SCHIP1: variants seen among roughly 807,000 people sequenced by gnomAD.
SCHIP1 encodes the protein schwannomin-interacting protein 1.
Under a neutral mutation model 29.7 loss-of-function variants are expected in SCHIP1, and 8 were observed. The ratio of observed to expected loss-of-function variants is 0.27; its 90% CI spans 0.16 to 0.49. The LOEUF (loss-of-function observed/expected upper bound fraction) is 0.49. SCHIP1 is among the 20% of genes least tolerant of loss of function. The pLI, the probability that SCHIP1 is intolerant of heterozygous loss-of-function variation, is 0.99. For missense variants in SCHIP1, 193 were observed against 294.6 expected (o/e 0.66, Z 2.52); for synonymous variants, 76 against 94.9 (o/e 0.80, Z 1.16).
At chr3:159,808,086 A>G in the SCHIP1 span, among the ~76,000 whole-genome samples, 1 of 152,238 alleles carries the variant, frequency 6.6e-6, no homozygotes. Flanking sequence ...AGTGTTTCTC[A>G]ACAGAGTAAG....
intron 2 of SCHIP1, among the ~76,000 whole-genome samples, chr3:159,870,354 A>G (rs974261165): frequency 4.6e-5 from 7 of 151,930 alleles, no homozygotes; most frequent in Non-Finnish European, 1.0e-4. Context: ...TGTTAATTTT[A>G]TGTTTCCTTT....
the SCHIP1 span, among the ~76,000 whole-genome samples, chr3:159,782,886 A>G: frequency 1.8e-4 from 27 of 152,332 alleles, no homozygotes; most frequent in African/African-American, 6.0e-4. Flanking sequence ...TGCCACCTCA[A>G]CACACCCAGA....
At chr3:159,661,042 C>T in the SCHIP1 span, among the ~76,000 whole-genome samples, 1 of 152,154 alleles carries the variant, frequency 6.6e-6, no homozygotes, top group African/African-American at 2.4e-5. Flanking sequence ...TCACTGAGGT[C>T]TCAGCCCAGT....
chr3:159,612,159 G>T, the SCHIP1 span, among the ~76,000 whole-genome samples: 1 of 151,986 alleles, frequency 6.6e-6, no homozygotes, highest in East Asian at 1.9e-4. Flanking sequence ...ACTGTACTTT[G>T]CAGAAATAAT....
chr3:159,680,925 T>A, the SCHIP1 span, among the ~76,000 whole-genome samples: 737 of 151,196 alleles, frequency 4.9e-3, 8 homozygotes, highest in African/African-American at 0.017. Flanking sequence ...TCAATATGAC[T>A]GAAAATCCTA....
the SCHIP1 span, among the ~76,000 whole-genome samples, chr3:159,333,776 C>T: frequency 6.6e-6 from 1 of 151,672 alleles, no homozygotes; most frequent in South Asian, 2.1e-4. Flanking sequence ...CCAGCTCTGT[C>T]GGTGGAAAAA....
chr3:159,650,808 G>A, the SCHIP1 span, among the ~76,000 whole-genome samples: 41 of 152,260 alleles, frequency 2.7e-4, no homozygotes, highest in African/African-American at 9.6e-4. Flanking sequence ...ACTGGAACGA[G>A]GTCAATGATA....
the SCHIP1 span, among the ~76,000 whole-genome samples, chr3:159,678,872 A>C: frequency 2.0e-5 from 3 of 152,198 alleles, no homozygotes; most frequent in South Asian, 2.1e-4. Flanking sequence ...AAACCATTAG[A>C]TCTCGTGAGA....
At chr3:159,741,753 G>A in the SCHIP1 span, among the ~76,000 whole-genome samples, 1 of 152,220 alleles carries the variant, frequency 6.6e-6, no homozygotes, top group Non-Finnish European at 1.5e-5. Context: ...GAACAAGGGT[G>A]GAAACCCAGA....
chr3:159,530,601 T>A, the SCHIP1 span, among the ~76,000 whole-genome samples: 4 of 152,174 alleles, frequency 2.6e-5, no homozygotes, highest in African/African-American at 9.6e-5. Flanking sequence ...CTGAGCAGAT[T>A]TGCTCTTGGA....
At chr3:159,655,873 A>G in the SCHIP1 span, among the ~76,000 whole-genome samples, 48 of 152,320 alleles carry the variant, frequency 3.2e-4, no homozygotes, top group African/African-American at 1.0e-3. Context: ...TGGGTGGCAG[A>G]GTGAGACTCC....
the SCHIP1 span, chr3:159,273,488 T>G: frequency 9.2e-7 from 1 of 1,089,546 alleles, no homozygotes; most frequent in Non-Finnish European, 1.1e-6. Context: ...AGAACTTTTC[T>G]GGAATCCTCT....
chr3:159,300,324 A>G, the SCHIP1 span, among the ~76,000 whole-genome samples: 7 of 151,646 alleles, frequency 4.6e-5, no homozygotes, highest in African/African-American at 1.7e-4. Flanking sequence ...TGTAGAGATG[A>G]AATCTCACTA....
At chr3:159,585,357 G>C in the SCHIP1 span, among the ~76,000 whole-genome samples, 1 of 152,250 alleles carries the variant, frequency 6.6e-6, no homozygotes, top group Non-Finnish European at 1.5e-5. Flanking sequence ...CACTATTCCA[G>C]AGACAACTTG....
the SCHIP1 span, among the ~76,000 whole-genome samples, chr3:159,546,351 T>C: frequency 3.3e-5 from 5 of 152,144 alleles, no homozygotes; most frequent in Non-Finnish European, 2.9e-5. Context: ...ACTGTAGTAT[T>C]TTCTGTACAT....
the SCHIP1 span, among the ~76,000 whole-genome samples, chr3:159,463,722 A>G: frequency 6.8e-6 from 1 of 147,024 alleles, no homozygotes; most frequent in Admixed American, 6.9e-5. Context: ...TATGACAACC[A>G]TGGAAGAGAA....
chr3:159,493,628 C>T, the SCHIP1 span, among the ~76,000 whole-genome samples: 1 of 150,624 alleles, frequency 6.6e-6, no homozygotes, highest in African/African-American at 2.4e-5. Flanking sequence ...TACAAACAGA[C>T]TTAGACTCCC....
the SCHIP1 span, among the ~76,000 whole-genome samples, chr3:159,567,620 G>T: frequency 6.6e-6 from 1 of 151,960 alleles, no homozygotes; most frequent in Admixed American, 6.6e-5. Context: ...AACCTCTCTT[G>T]TTGGTCAAAT....
chr3:159,882,484 A>G (rs1324211268), intron 2 of SCHIP1, among the ~76,000 whole-genome samples: 1 of 152,208 alleles, frequency 6.6e-6, no homozygotes, highest in Non-Finnish European at 1.5e-5. Context: ...TCCAGGCTTC[A>G]GAGCTGGCCT....
Sources: gnomAD v4.1 joint callset for allele counts (sites outside exome capture counted in the v4.1 genomes callset) on GRCh38, gnomAD v4.1.1 for gene constraint, MANE v1.5 for transcripts, NCBI Gene and HGNC (gene_info 2026-07-23, HGNC 2026-07-21) for gene names.